FBXL13: variants seen among roughly 807,000 people sequenced by gnomAD.
FBXL13 encodes the protein F-box and leucine-rich repeat protein 13.
In FBXL13, 67 loss-of-function variants were observed where a neutral mutation model predicts 83.6. The observed-to-expected ratio is 0.80, with a 90% CI of 0.66 to 0.98. The LOEUF is 0.98. FBXL13 is among the 50% of genes least tolerant of loss of function. The pLI, the probability that FBXL13 is intolerant of heterozygous loss-of-function variation, is 0.00. For missense variants in FBXL13, 822 were observed against 866.5 expected, an observed-to-expected ratio of 0.95 and a Z score of 0.64; for synonymous variants, 272 against 299.5, an observed-to-expected ratio of 0.91 and a Z score of 0.95.
In FBXL13 at chr7:102,984,328, G is replaced by C. The variant is rs541168729; in HGVS notation, c.496-16211C>G. ...GGGTTCTCCAGAGAAAAAGAACCAA[G>C]AAGATATATATAACTATCTACCTAT... On this transcript the variant is annotated intron_variant, in intron 6 of 19. Transcript: ENST00000313221. Among the ~76,000 whole-genome samples, 4 of 152,224 alleles carry C rather than the reference G, an allele frequency of 2.6e-5. No individual in the cohort carries two copies. In the East Asian group the frequency reaches 7.7e-4, roughly 29 times the overall value.
chr7:102,860,529 A>G (rs1806656347), intron 16 of FBXL13, among the ~76,000 whole-genome samples: 1 of 152,180 alleles, frequency 6.6e-6, no homozygotes, highest in South Asian at 2.1e-4. Context: ...GGGAAGATGG[A>G]ACACTGCCAG....
intron 17 of FBXL13, among the ~76,000 whole-genome samples, chr7:102,838,599 T>C (rs1165301519): frequency 6.6e-6 from 1 of 152,102 alleles, no homozygotes; most frequent in Non-Finnish European, 1.5e-5. Context: ...CCCTGAACAA[T>C]TGCTTTGCCC....
intron 6 of FBXL13, among the ~76,000 whole-genome samples, chr7:102,968,891 G>A (rs1826280242): frequency 6.6e-6 from 1 of 152,174 alleles, no homozygotes; most frequent in African/African-American, 2.4e-5. Flanking sequence ...GTACAGTCAT[G>A]CTCTGCATAA....
At chr7:102,832,458 A>G (rs1800877098) in intron 18 of FBXL13, among the ~76,000 whole-genome samples, 1 of 152,228 alleles carries the variant, frequency 6.6e-6, no homozygotes, top group African/African-American at 2.4e-5. Flanking sequence ...TATGGATTTA[A>G]TAACTTGTAA....
chr7:103,028,814 A>G, intron 3 of FBXL13, 66 bp from the exon 5 acceptor site: 2 of 1,312,726 alleles, frequency 1.5e-6, no homozygotes, highest in South Asian at 3.9e-5. Context: ...CATTAAATAA[A>G]TTAAGGAGAA....
intron 8 of FBXL13, chr7:102,933,553 G>A (rs1049430316): frequency 6.2e-6 from 1 of 161,466 alleles, no homozygotes; most frequent in African/African-American, 2.4e-5. Flanking sequence ...TGCTGAAGAT[G>A]ACCCAGGTTG....
At chr7:102,828,562 T>A (rs1800125672) in intron 18 of FBXL13, among the ~76,000 whole-genome samples, 1 of 152,220 alleles carries the variant, frequency 6.6e-6, no homozygotes. Context: ...AGAATTGGGA[T>A]GAAGTTACCT....
intron 10 of FBXL13, among the ~76,000 whole-genome samples, chr7:102,916,925 A>G (rs1816005334): frequency 6.6e-6 from 1 of 151,628 alleles, no homozygotes; most frequent in Non-Finnish European, 1.5e-5. Flanking sequence ...GTTTTTTTCC[A>G]TTAAAGAATT....
chr7:103,041,607 C>T (rs1439675611), intron 2 of FBXL13, among the ~76,000 whole-genome samples: 1 of 152,168 alleles, frequency 6.6e-6, no homozygotes, highest in African/African-American at 2.4e-5. Flanking sequence ...AGCAGCACAT[C>T]AAAAAGCTTA....
chr7:102,895,751 C>T (rs1812175873), intron 11 of FBXL13, among the ~76,000 whole-genome samples: 1 of 152,182 alleles, frequency 6.6e-6, no homozygotes, highest in African/African-American at 2.4e-5. Context: ...GGAATCATCA[C>T]CCTCCCAATT....
chr7:102,843,437 T>TCAAAAA (rs112263544), intron 17 of FBXL13, among the ~76,000 whole-genome samples: 1 of 151,024 alleles, frequency 6.6e-6, no homozygotes, highest in Non-Finnish European at 1.5e-5. Context: ...AAACTCCATC[T>TCAAAAA]CAAAAACAAA....
At chr7:103,007,833 CCAGGGCAGGTATAT>C (rs1042541753) in intron 6 of FBXL13, among the ~76,000 whole-genome samples, 6 of 152,042 alleles carry the variant, frequency 3.9e-5, no homozygotes, top group East Asian at 3.9e-4. Flanking sequence ...CTGAAGTGGC[CCAGGGCAGGTATAT>C]CAGAACAAGT....
At chr7:102,954,741 C>T (rs999799286) in intron 8 of FBXL13, among the ~76,000 whole-genome samples, 1 of 152,060 alleles carries the variant, frequency 6.6e-6, no homozygotes, top group African/African-American at 2.4e-5. Context: ...GGGTTGCCAT[C>T]CTACTCACTG....
At chr7:102,983,382 T>C (rs1185619960) in intron 6 of FBXL13, among the ~76,000 whole-genome samples, 2 of 151,668 alleles carry the variant, frequency 1.3e-5, no homozygotes, top group Non-Finnish European at 2.9e-5. Flanking sequence ...CAAGTCCCCA[T>C]TCCAACTTAT....
At chr7:102,877,513 A>C (rs938706104) in exon 16 of FBXL13, 3 of 1,611,108 alleles carry the variant, frequency 1.9e-6, no homozygotes, top group Admixed American at 3.4e-5. Flanking sequence ...TACCAAGGAA[A>C]AGATGTTTAC....
At chr7:103,052,873 C>A (rs1426275375) in intron 2 of FBXL13, among the ~76,000 whole-genome samples, 1 of 151,532 alleles carries the variant, frequency 6.6e-6, no homozygotes, top group Non-Finnish European at 1.5e-5. Context: ...TCTCCTGGCT[C>A]ACCCTCCCAA....
chr7:103,027,397 G>T, intron 5 of FBXL13, 52 bp downstream of exon 6: 1 of 1,249,024 alleles, frequency 8.0e-7, no homozygotes, highest in South Asian at 1.3e-5. Flanking sequence ...GAGGCAACAT[G>T]AATATAACTG....
intron 14 of FBXL13, among the ~76,000 whole-genome samples, chr7:102,879,607 G>T (rs1018788974): frequency 1.3e-5 from 2 of 152,038 alleles, no homozygotes; most frequent in Admixed American, 6.6e-5. Flanking sequence ...TTTTTTGTTT[G>T]TTTGTTTGTT....
intron 16 of FBXL13, 116 bp from the exon 18 acceptor site, chr7:102,854,976 A>C (rs928302494): frequency 3.6e-6 from 2 of 550,954 alleles, no homozygotes; most frequent in Non-Finnish European, 6.1e-6. Flanking sequence ...AAAACTAATA[A>C]ATTTTAGTTG....
Sources: gnomAD v4.1 joint callset for allele counts (sites outside exome capture counted in the v4.1 genomes callset) on GRCh38, gnomAD v4.1.1 for gene constraint, MANE v1.5 for transcripts, NCBI Gene and HGNC (gene_info 2026-07-23, HGNC 2026-07-21) for gene names.